USH2A: variants seen among roughly 807,000 people sequenced by gnomAD.
USH2A encodes the protein Usher syndrome 2A (autosomal recessive, mild).
In USH2A, 443 loss-of-function variants were observed where a neutral mutation model predicts 538.9. The ratio of observed to expected loss-of-function variants is 0.82; its 90% CI spans 0.76 to 0.89. The LOEUF is 0.89. USH2A is among the 40% of genes least tolerant of loss of function. The pLI is 0.00. For synonymous variants in USH2A, 2,413 were observed against 2,273.5 expected (o/e 1.06, Z -1.75); for missense variants, 6,633 against 6,324.8 (o/e 1.05, Z -1.65).
chr1:216,171,454 C>T (rs1479347870), intron 21 of USH2A, among the ~76,000 whole-genome samples: 2 of 151,868 alleles, frequency 1.3e-5, no homozygotes, highest in Admixed American at 1.3e-4. Context: ...ATTACTCATG[C>T]CCTAGATATA....
At chr1:215,903,000 G>A (rs1665542672) in intron 38 of USH2A, among the ~76,000 whole-genome samples, 1 of 152,190 alleles carries the variant, frequency 6.6e-6, no homozygotes. Context: ...GAAGAGGTCT[G>A]AGAACCAAGC....
chr1:216,116,784 G>A (rs890329171), intron 21 of USH2A, among the ~76,000 whole-genome samples: 2 of 151,838 alleles, frequency 1.3e-5, no homozygotes, highest in African/African-American at 4.8e-5. Flanking sequence ...AAAAAGTAAG[G>A]GAATAACAAA....
intron 61 of USH2A, among the ~76,000 whole-genome samples, chr1:215,685,332 G>GTTTT (rs10716020): frequency 2.1e-5 from 3 of 145,060 alleles, no homozygotes; most frequent in South Asian, 2.2e-4. Flanking sequence ...ATTCAAATCA[G>GTTTT]TTTTTTTTTT....
chr1:216,191,029 A>T (rs1046514337), intron 19 of USH2A, among the ~76,000 whole-genome samples: 1 of 152,072 alleles, frequency 6.6e-6, no homozygotes, highest in Non-Finnish European at 1.5e-5. Flanking sequence ...AAGAAGACTG[A>T]CAGGAAACTC....
At chr1:215,871,931 A>G (rs1194697373) in intron 43 of USH2A, among the ~76,000 whole-genome samples, 2 of 152,206 alleles carry the variant, frequency 1.3e-5, no homozygotes, top group Non-Finnish European at 2.9e-5. Context: ...ATTGTGGGAA[A>G]CCAAAATTCT....
intron 12 of USH2A, 44 bp downstream of exon 12, chr1:216,250,859 G>A (rs1174956006): frequency 1.3e-6 from 2 of 1,593,664 alleles, no homozygotes; most frequent in Non-Finnish European, 8.6e-7. Context: ...TTTTATTCCA[G>A]ATGGTAATAG....
intron 20 of USH2A, among the ~76,000 whole-genome samples, chr1:216,180,563 G>C (rs1194411099): frequency 6.6e-6 from 1 of 152,064 alleles, no homozygotes; most frequent in African/African-American, 2.4e-5. Flanking sequence ...ACTAAAAGCT[G>C]AACAAAGCTC....
chr1:215,795,109 C>T (rs1662088664), intron 50 of USH2A, among the ~76,000 whole-genome samples: 1 of 152,146 alleles, frequency 6.6e-6, no homozygotes, highest in South Asian at 2.1e-4. Context: ...CATATTGACT[C>T]TTCCCTGAGT....
chr1:216,327,487 G>A, intron 5 of USH2A, 104 bp downstream of exon 5: 1 of 1,363,806 alleles, frequency 7.3e-7, no homozygotes. Flanking sequence ...TTTGCCAAAT[G>A]GTATAAAGAT....
chr1:216,373,930 C>G (rs574942567), intron 3 of USH2A, among the ~76,000 whole-genome samples: 2 of 152,032 alleles, frequency 1.3e-5, no homozygotes, highest in South Asian at 4.2e-4. Context: ...GCCATAAAAA[C>G]TGATGAGTTC....
chr1:216,287,757 A>G (rs2036915251), intron 11 of USH2A, among the ~76,000 whole-genome samples: 1 of 152,210 alleles, frequency 6.6e-6, no homozygotes, highest in Non-Finnish European at 1.5e-5. Flanking sequence ...TATAGTTTAC[A>G]GTCTTCCTAT....
At chr1:215,847,443 G>C (rs528408720) in intron 44 of USH2A, among the ~76,000 whole-genome samples, 1 of 152,014 alleles carries the variant, frequency 6.6e-6, no homozygotes, top group South Asian at 2.1e-4. Flanking sequence ...TCAGGAGTTC[G>C]AGACCAGCCT....
intron 21 of USH2A, among the ~76,000 whole-genome samples, chr1:216,166,399 A>G (rs573543480): frequency 5.3e-5 from 8 of 152,138 alleles, no homozygotes; most frequent in Non-Finnish European, 1.2e-4. Context: ...ATAGGTAGAA[A>G]GCAGGTAAGC....
At chr1:216,415,372 A>T (rs1353802315) in intron 3 of USH2A, among the ~76,000 whole-genome samples, 2 of 152,070 alleles carry the variant, frequency 1.3e-5, no homozygotes, top group African/African-American at 2.4e-5. Context: ...TACTTCTTAT[A>T]ACAACGTTTA....
At chr1:216,276,287 T>C (rs2036669108) in intron 11 of USH2A, among the ~76,000 whole-genome samples, 2 of 152,110 alleles carry the variant, frequency 1.3e-5, no homozygotes, top group African/African-American at 4.8e-5. Context: ...CTAGTTTCTG[T>C]CATTTCTGTC....
intron 63 of USH2A, among the ~76,000 whole-genome samples, chr1:215,671,777 A>G (rs1657825562): frequency 6.6e-6 from 1 of 152,154 alleles, no homozygotes; most frequent in South Asian, 2.1e-4. Context: ...CTGGACTCCT[A>G]CCTTTGCAGC....
At chr1:215,951,917 T>C (rs1445863722) in intron 37 of USH2A, among the ~76,000 whole-genome samples, 1 of 151,640 alleles carries the variant, frequency 6.6e-6, no homozygotes. Flanking sequence ...GACTGCGGAC[T>C]GCAGTGGCGC....
Position 215,667,735 on chromosome 1 carries a change from A to G in USH2A, c.14133+3237T>C, listed in dbSNP as rs1033881062. On this transcript the variant is annotated intron_variant, in intron 64 of 71. Transcript: ENST00000307340. ...AGAAGGAAAAAAACAAAGAAGAAGG[A>G]AAAAAAAAAGAAGAAAGAAAAACAA... Among the ~76,000 whole-genome samples the G allele has an allele frequency of 1.5e-4, 22 of 149,280 alleles. 1 individual carries two copies. The highest frequency in any genetic ancestry group is 5.2e-4 in the African/African-American group (21 of 40,762).
At chr1:215,658,840 A>T (rs188516124) in intron 64 of USH2A, among the ~76,000 whole-genome samples, 383 of 152,388 alleles carry the variant, frequency 2.5e-3, no homozygotes, top group African/African-American at 8.8e-3. Context: ...TGCAATAATA[A>T]CTATACCCTA....
Sources: gnomAD v4.1 joint callset for allele counts (sites outside exome capture counted in the v4.1 genomes callset) on GRCh38, gnomAD v4.1.1 for gene constraint, MANE v1.5 for transcripts, NCBI Gene and HGNC (gene_info 2026-07-23, HGNC 2026-07-21) for gene names.